TNNI3K: variants seen among roughly 807,000 people sequenced by gnomAD.
TNNI3K encodes the protein serine/threonine-protein kinase TNNI3K.
A neutral mutation model predicts 114.5 loss-of-function variants in TNNI3K; 140 were observed. The ratio of observed to expected loss-of-function variants is 1.22; its 90% CI spans 1.07 to 1.41. The LOEUF is 1.41. TNNI3K is among the 40% of genes most tolerant of loss of function. The pLI is 0.00. For missense variants in TNNI3K, 1,125 were observed against 1,007.6 expected, an observed-to-expected ratio of 1.12 and a Z score of -1.58; for synonymous variants, 347 against 347.5, an observed-to-expected ratio of 1.00 and a Z score of 0.02.
At chr1:74,418,215 T>C (rs1665224296) in intron 17 of TNNI3K, 2 of 452,844 alleles carry the variant, frequency 4.4e-6, no homozygotes. Flanking sequence ...GCAGCCATCT[T>C]TGAACATGAG....
chr1:74,469,734 T>C (rs554934065), intron 21 of TNNI3K: 4 of 395,290 alleles, frequency 1.0e-5, no homozygotes, highest in African/African-American at 8.2e-5. Flanking sequence ...TCTGGTTTTA[T>C]TTTATTGATA....
intron 17 of TNNI3K, chr1:74,374,275 A>C (rs1662764989): frequency 6.6e-6 from 1 of 151,936 alleles, no homozygotes; most frequent in African/African-American, 2.4e-5. Context: ...GTTATTTTCA[A>C]TGTAAATGAT....
intron 23 of TNNI3K, among the ~76,000 whole-genome samples, chr1:74,535,492 A>T (rs1471225671): frequency 2.0e-5 from 3 of 152,058 alleles, no homozygotes; most frequent in Admixed American, 2.0e-4. Context: ...CAAAAAAAGA[A>T]TCACAGAATG....
intron 9 of TNNI3K, among the ~76,000 whole-genome samples, chr1:74,348,946 G>A (rs566790246): frequency 4.5e-4 from 69 of 152,182 alleles, no homozygotes; most frequent in South Asian, 4.4e-3. Context: ...CTGCAAACAG[G>A]GACCATTTGA....
At chr1:74,482,559 C>T (rs1238415543) in intron 21 of TNNI3K, among the ~76,000 whole-genome samples, 1 of 152,114 alleles carries the variant, frequency 6.6e-6, no homozygotes, top group Non-Finnish European at 1.5e-5. Context: ...TTATCAGAGT[C>T]GTGGGATATT....
chr1:74,453,040 A>G (rs1239028053), intron 20 of TNNI3K, among the ~76,000 whole-genome samples: 1 of 152,044 alleles, frequency 6.6e-6, no homozygotes, highest in Admixed American at 6.6e-5. Flanking sequence ...CCAAGTTACC[A>G]TTTATCATTG....
chr1:74,312,892 C>A (rs958244336), intron 5 of TNNI3K, among the ~76,000 whole-genome samples: 1 of 152,160 alleles, frequency 6.6e-6, no homozygotes, highest in Admixed American at 6.5e-5. Context: ...CCCCTGTTAT[C>A]TTTGCCCCAA....
intron 9 of TNNI3K, among the ~76,000 whole-genome samples, chr1:74,348,897 C>T (rs1391239099): frequency 6.6e-6 from 1 of 152,164 alleles, no homozygotes; most frequent in East Asian, 1.9e-4. Context: ...AGATTTTGGG[C>T]TGAGACTATG....
At chr1:74,483,257 A>G (rs1338022071) in intron 21 of TNNI3K, 1 of 716,984 alleles carries the variant, frequency 1.4e-6, no homozygotes, top group East Asian at 2.7e-5. Context: ...TATTAGTTTT[A>G]TTACCTACTA....
intron 23 of TNNI3K, among the ~76,000 whole-genome samples, chr1:74,532,198 C>G (rs1289145363): frequency 6.6e-6 from 1 of 152,120 alleles, no homozygotes; most frequent in Non-Finnish European, 1.5e-5. Flanking sequence ...GCATGTGTAT[C>G]TCATGTTTTA....
chr1:74,518,654 T>A (rs1246402157), intron 23 of TNNI3K, among the ~76,000 whole-genome samples: 1 of 152,196 alleles, frequency 6.6e-6, no homozygotes, highest in Non-Finnish European at 1.5e-5. Context: ...TCATAATGCA[T>A]CGCTAATAGT....
chr1:74,411,422 A>G (rs185774814), intron 17 of TNNI3K, among the ~76,000 whole-genome samples: 1 of 152,056 alleles, frequency 6.6e-6, no homozygotes, highest in East Asian at 1.9e-4. Flanking sequence ...TCAATTAGAA[A>G]TTTTTATATA....
rs1664532980 is a variant in TNNI3K at position 74,404,736 on chromosome 1, T to C, written c.1773-31344T>C. On this transcript the variant is annotated intron_variant, in intron 17 of 24. Coordinates refer to ENST00000326637, the MANE Select transcript of TNNI3K (RefSeq NM_015978.3). ...TTTACCTAATTTCACTTCTCTATGC[T>C]TCATCCTCTTTATGAATCTCCTATA... Among the ~76,000 whole-genome samples, 3 of 152,320 alleles carry C rather than the reference T, an allele frequency of 2.0e-5. No homozygotes were observed. In the South Asian group the frequency reaches 6.2e-4, roughly 32 times the overall value.
rs773728606 is a variant in TNNI3K, at chr1:74,445,612, C to CTT, written c.2011+5996_2011+5997dup. On this transcript the variant is annotated intron_variant, in intron 20 of 24. Coordinates refer to ENST00000326637, the MANE Select transcript of TNNI3K (RefSeq NM_015978.3). Reference sequence around the variant, plus strand: ...ATATGTTCCACATTTTCTTTTTTTTCTTTTTTTCTTTTTTTTGAGACGGAG... The same window carrying CTT: ...ATATGTTCCACATTTTCTTTTTTTTCTTTTTTTTTCTTTTTTTTGAGACGGAG... 4.3e-4 allele frequency among the ~76,000 whole-genome samples: 56 copies of CTT among 131,460 alleles called. 3 individuals are homozygous for CTT. Among genetic ancestry groups the CTT allele is most frequent in the Admixed American group, 5.3e-4 (7 of 13,172 alleles). 86.2% of individuals were successfully genotyped at this position (131,460 alleles called of 152,430 possible).
At chr1:74,403,136 A>G (rs1422916783) in intron 17 of TNNI3K, among the ~76,000 whole-genome samples, 1 of 152,126 alleles carries the variant, frequency 6.6e-6, no homozygotes, top group Non-Finnish European at 1.5e-5. Context: ...TAGGAATGCA[A>G]TAGGAAGATT....
chr1:74,452,440 T>G (rs1667068099), intron 20 of TNNI3K, among the ~76,000 whole-genome samples: 1 of 152,288 alleles, frequency 6.6e-6, no homozygotes, highest in South Asian at 2.1e-4. Flanking sequence ...TCCTCTTTAG[T>G]CTCGTTTTAT....
intron 17 of TNNI3K, among the ~76,000 whole-genome samples, chr1:74,407,164 C>G (rs958063169): frequency 6.6e-6 from 1 of 152,144 alleles, no homozygotes; most frequent in African/African-American, 2.4e-5. Context: ...TTTGCTATCT[C>G]CTCTGCACTT....
chr1:74,391,957 A>ATTATTT lies in TNNI3K; in HGVS notation c.1772+21567_1772+21568insATTTTT, dbSNP rs1369570973. On this transcript the variant is annotated intron_variant, in intron 17 of 24. Transcript: ENST00000326637. ...TTGATTTAGGATGGTACAGCTTATT[A>ATTATTT]TTTTTTTTTTTTTTTTTTTTTTTTT... is the stretch of plus-strand genomic sequence containing the variant. Among the ~76,000 whole-genome samples the ATTATTT allele has an allele frequency of 2.8e-4, 26 of 93,040 alleles. 1 individual carries two copies. The highest frequency in any genetic ancestry group is 8.9e-4 in the African/African-American group (23 of 25,700). 61.0% of individuals were successfully genotyped at this position (93,040 alleles called of 152,430 possible). A position where few individuals can be genotyped will look rare whatever the true frequency, so the allele number is the denominator to read the frequency against.
At chr1:74,317,182 C>A (rs1311165013) in intron 5 of TNNI3K, among the ~76,000 whole-genome samples, 1 of 152,086 alleles carries the variant, frequency 6.6e-6, no homozygotes, top group Non-Finnish European at 1.5e-5. Flanking sequence ...ATAGGCAACA[C>A]AATATTTGCT....
Sources: allele counts gnomAD v4.1 joint callset (sites outside exome capture counted in the v4.1 genomes callset), GRCh38; gene constraint gnomAD v4.1.1; transcripts MANE v1.5; gene names NCBI Gene and HGNC (gene_info 2026-07-23, HGNC 2026-07-21).